Variants in SV2B observed in about 807,000 individuals in gnomAD.
SV2B encodes solute carrier family 22 member B2.
A neutral mutation model predicts 73.9 loss-of-function variants in SV2B; 41 were observed. The observed-to-expected ratio is 0.56, with a 90% confidence interval of 0.43 to 0.72. SV2B has a LOEUF of 0.72. Ranked by LOEUF, SV2B falls within the 30% of genes least tolerant of loss-of-function variation. SV2B has a pLI of 0.00. For synonymous variants in SV2B, 314 were observed against 314.2 expected (o/e 1.00, Z 0.01); for missense variants, 764 against 857.8 (o/e 0.89, Z 1.37).
At chr15:91,158,635 T>TTTTCCCTTCC (rs1567300335) in intron 1 of SV2B, among the ~76,000 whole-genome samples, 74 of 39,828 alleles carry the variant, frequency 1.9e-3, no homozygotes, top group African/African-American at 2.7e-3. Context: ...TTATTTTCCC[T>TTTTCCCTTCC]CTTCTCTTCT....
chr15:91,289,815 G>C lies in SV2B; in HGVS notation c.1868+135G>C. The C allele has an allele frequency of 5.7e-6, 6 of 1,046,514 alleles. No individual in the cohort carries two copies. Among genetic ancestry groups the C allele is most frequent in the Non-Finnish European group, 8.1e-6 (6 of 737,724 alleles). 64.8% of individuals were successfully genotyped at this position (1,046,514 alleles called of 1,614,324 possible). A position where few individuals can be genotyped will look rare whatever the true frequency, so the allele number is the denominator to read the frequency against. On this transcript the variant is annotated intron_variant, in intron 12 of 12. Transcript: ENST00000394232. This position sits in a 1 kb window ranked among gnomAD's most constrained non-coding sequence, Gnocchi z 4.9. ...GTTCCGTGAAACAAACATCTTTTAT[G>C]TTGAGCTTCTCCTGCATGGTGGATG...
chr15:91,101,915 G>A (rs908086604), intron 1 of SV2B: 6 of 152,170 alleles, frequency 3.9e-5, no homozygotes, highest in Non-Finnish European at 8.8e-5. Context: ...CCAGGACTAT[G>A]AAGGTTTTGA....
chr15:91,279,506 G>C (rs931673328), intron 9 of SV2B, among the ~76,000 whole-genome samples: 1 of 152,230 alleles, frequency 6.6e-6, no homozygotes. Context: ...GGCCAATTCA[G>C]TATATAGGCT....
At position 91,242,218 on chromosome 15, in the gene SV2B, GTC is replaced by G. The variant is rs1380837834; in HGVS notation, c.452-9595_452-9594del. On this transcript the variant is annotated intron_variant, in intron 2 of 12. Transcript: ENST00000394232. The surrounding 1 kb of genome is among the most constrained non-coding windows in gnomAD (Gnocchi z 4.9). ...TGCTCCTTCTTGTTCTCCATCACTG[GTC>G]TCTCTTCATATTCCTGGCCTTTAAA... Among the ~76,000 whole-genome samples the G allele has an allele frequency of 1.3e-5, 2 of 152,198 alleles. No homozygotes were observed. Among genetic ancestry groups the G allele is most frequent in the Admixed American group, 6.5e-5 (1 of 15,296 alleles).
rs796712822 is a variant in SV2B at position 91,214,849 on chromosome 15, C to T, written c.-391-11024C>T. Among the ~76,000 whole-genome samples, 13 of 152,338 alleles carry T rather than the reference C, an allele frequency of 8.5e-5. No homozygotes were observed. Among genetic ancestry groups the T allele is most frequent in the African/African-American group, 3.1e-4 (13 of 41,590 alleles). ...AGTGGTTCTCCTCGTTCTTTCTGCT[C>T]CTCAATGCTGCCTTCAGGAGCAAGC... is the stretch of plus-strand genomic sequence containing the variant. On this transcript the variant is annotated intron_variant, in intron 1 of 12. Transcript: ENST00000394232. This position sits in a 1 kb window ranked among gnomAD's most constrained non-coding sequence, Gnocchi z 4.7.
chr15:91,147,190 A>G (rs1457214080), intron 1 of SV2B, among the ~76,000 whole-genome samples: 1 of 152,240 alleles, frequency 6.6e-6, no homozygotes, highest in Non-Finnish European at 1.5e-5. Context: ...CCCTAAAGGA[A>G]TGTGAACGTA....
rs921636906 is a variant in SV2B, at chr15:91,228,044, C to T, written c.451+1330C>T. Among the ~76,000 whole-genome samples, 5 of 152,142 alleles carry T rather than the reference C, an allele frequency of 3.3e-5. No homozygotes were observed. In the South Asian group the frequency reaches 8.3e-4, roughly 25 times the overall value. Reference sequence around the variant, plus strand: ...TGGTCAGTGGGCCAGATTTAGCCTGCGGGCTGCAGTTTGCAATCCCCTGAT... The same window carrying T: ...TGGTCAGTGGGCCAGATTTAGCCTGTGGGCTGCAGTTTGCAATCCCCTGAT... On this transcript the variant is annotated intron_variant, in intron 2 of 12. Transcript: ENST00000394232.
chr15:91,203,824 GTC>G (rs143362959), intron 1 of SV2B, among the ~76,000 whole-genome samples: 1 of 151,702 alleles, frequency 6.6e-6, no homozygotes, highest in Non-Finnish European at 1.5e-5. Context: ...GAGAGCTACT[GTC>G]TCTCTCTCTC....
intron 2 of SV2B, among the ~76,000 whole-genome samples, chr15:91,228,537 CAATGTCGGT>C (rs1173192334): frequency 6.6e-6 from 1 of 152,150 alleles, no homozygotes; most frequent in African/African-American, 2.4e-5. Context: ...TCCAAATTGG[CAATGTCGGT>C]AATGATTTCA....
In SV2B at chr15:91,268,748, G is replaced by A; in HGVS notation, c.1373+143G>A. The A allele has an allele frequency of 9.0e-7, 1 of 1,114,970 alleles. No individual in the cohort carries two copies. Among genetic ancestry groups the A allele is most frequent in the Non-Finnish European group, 1.2e-6 (1 of 806,906 alleles). The allele number at this position is 1,114,970 out of a possible 1,614,324, so 69.1% of individuals were successfully genotyped here. A position where few individuals can be genotyped will look rare whatever the true frequency, so the allele number is the denominator to read the frequency against. Reference sequence around the variant, plus strand: ...GGTGTCATCATCACAACCTGTCATGGCTGCCAGTGACGCCATAGCTCCCCT... The same window carrying A: ...GGTGTCATCATCACAACCTGTCATGACTGCCAGTGACGCCATAGCTCCCCT... On this transcript the variant is annotated intron_variant, in intron 9 of 12. Coordinates refer to ENST00000394232, the MANE Select transcript of SV2B (RefSeq NM_001323032.3). The surrounding 1 kb of genome is among the most constrained non-coding windows in gnomAD (Gnocchi z 4.4).
At chr15:91,254,074 T>C (rs2047590815) in intron 4 of SV2B, among the ~76,000 whole-genome samples, 1 of 152,228 alleles carries the variant, frequency 6.6e-6, no homozygotes, top group South Asian at 2.1e-4. Context: ...CTCACTCAAA[T>C]GCACACTTTA....
At chr15:91,186,141 A>G (rs986744665) in intron 1 of SV2B, among the ~76,000 whole-genome samples, 2 of 152,220 alleles carry the variant, frequency 1.3e-5, no homozygotes, top group Non-Finnish European at 2.9e-5. Flanking sequence ...TAACAAAAAA[A>G]GGCCTGGCCT....
intron 1 of SV2B, among the ~76,000 whole-genome samples, chr15:91,143,244 G>T (rs1354310566): frequency 6.6e-6 from 1 of 152,220 alleles, no homozygotes; most frequent in Admixed American, 6.5e-5. Flanking sequence ...TTGGGGGAAG[G>T]CATTTTCAAA....
chr15:91,104,022 C>T (rs2041811031), intron 1 of SV2B, among the ~76,000 whole-genome samples: 1 of 152,146 alleles, frequency 6.6e-6, no homozygotes, highest in Non-Finnish European at 1.5e-5. Context: ...GAGAAGATCT[C>T]CTGAAGCACA....
Position 91,223,634 on chromosome 15 carries a change from G to T in SV2B, c.-391-2239G>T, listed in dbSNP as rs569635215. Among the ~76,000 whole-genome samples the T allele has an allele frequency of 4.1e-4, 63 of 152,212 alleles. No individual in the cohort carries two copies. Among genetic ancestry groups the T allele is most frequent in the Non-Finnish European group, 8.2e-4 (56 of 68,014 alleles). On this transcript the variant is annotated intron_variant, in intron 1 of 12. Coordinates refer to ENST00000394232, the MANE Select transcript of SV2B (RefSeq NM_001323032.3). This position sits in a 1 kb window ranked among gnomAD's most constrained non-coding sequence, Gnocchi z 4.6. Reference sequence around the variant, plus strand: ...GGCGTTCTTTCCATGTTTTTATAGCGCTCTGCAAACTCTCCTGCTGTTTAC... The same window carrying T: ...GGCGTTCTTTCCATGTTTTTATAGCTCTCTGCAAACTCTCCTGCTGTTTAC...
intron 2 of SV2B, among the ~76,000 whole-genome samples, chr15:91,248,176 C>A (rs956432030): frequency 6.6e-6 from 1 of 152,034 alleles, no homozygotes; most frequent in Non-Finnish European, 1.5e-5. Context: ...AAAAAATTAG[C>A]CGGGCGTGGT....
chr15:91,228,916 G>T (rs1213653950), intron 2 of SV2B, among the ~76,000 whole-genome samples: 1 of 152,232 alleles, frequency 6.6e-6, no homozygotes, highest in Non-Finnish European at 1.5e-5. Context: ...GAGTCACCAT[G>T]TCGGTTAGAT....
intron 2 of SV2B, among the ~76,000 whole-genome samples, chr15:91,249,749 A>C (rs1269290984): frequency 6.6e-6 from 1 of 152,246 alleles, no homozygotes; most frequent in Admixed American, 6.5e-5. Flanking sequence ...GCACACAACC[A>C]GTTGTGTAAT....
rs1426644360 is a variant in SV2B, at chr15:91,281,351, C to T, written c.1374-377C>T. On this transcript the variant is annotated intron_variant, in intron 9 of 12. Transcript: ENST00000394232. This position sits in a 1 kb window ranked among gnomAD's most constrained non-coding sequence, Gnocchi z 4.7. Reference sequence around the variant, plus strand: ...CTTCACAATTCTATGGCTTCCAAAACTTCTAGGACCACTCCAGGGACCTGC... The same window carrying T: ...CTTCACAATTCTATGGCTTCCAAAATTTCTAGGACCACTCCAGGGACCTGC... Among the ~76,000 whole-genome samples, 1 of 152,210 alleles carries T rather than the reference C, an allele frequency of 6.6e-6. No homozygotes were observed. Among genetic ancestry groups the T allele is most frequent in the African/African-American group, 2.4e-5 (1 of 41,452 alleles).
Sources: allele counts gnomAD v4.1 joint callset (sites outside exome capture counted in the v4.1 genomes callset), GRCh38; gene constraint gnomAD v4.1.1; non-coding constraint Gnocchi (gnomAD v3.1); transcripts MANE v1.5; gene names NCBI Gene and HGNC (gene_info 2026-07-23, HGNC 2026-07-21).